The following MARF1 variants were observed in gnomAD, a reference collection of about 807,000 sequenced individuals.
MARF1 encodes the protein meiosis regulator and mRNA stability factor 1.
In MARF1, 24 loss-of-function variants were observed where a neutral mutation model predicts 168.2. The ratio of observed to expected loss-of-function variants is 0.14; its 90% CI spans 0.10 to 0.20. The LOEUF is 0.20. Ranked by LOEUF, MARF1 falls within the 10% of genes least tolerant of loss-of-function variation. The probability of loss-of-function intolerance (pLI) is 1.00; values close to 1 mark genes in which losing one functional copy is unlikely to be tolerated. For synonymous variants in MARF1, 868 were observed against 822.4 expected, an observed-to-expected ratio of 1.06 and a Z score of -0.95; for missense variants, 1,744 against 2,143.6, an observed-to-expected ratio of 0.81 and a Z score of 3.68.
intron 3 of MARF1, 53 bp downstream of exon 3, chr16:15,635,603 G>A (rs1240865754): frequency 6.8e-7 from 1 of 1,466,232 alleles, no homozygotes; most frequent in Non-Finnish European, 9.4e-7. Flanking sequence ...CACTTCAAAA[G>A]TCATTCCTCA....
At chr16:15,635,292 G>C (rs2035509422) in intron 3 of MARF1, 1 of 387,002 alleles carries the variant, frequency 2.6e-6, no homozygotes, top group African/African-American at 2.1e-5. Flanking sequence ...ATTGCAAAAA[G>C]ACAACATGCA....
Position 15,622,037 on chromosome 16 carries a change from A to C in MARF1, c.2461-126T>G, listed in dbSNP as rs2151190565. 19 of 801,778 alleles carry C rather than the reference A, an allele frequency of 2.4e-5. No individual in the cohort carries two copies. The South Asian group carries it at 3.4e-4, about 14-fold the overall frequency. 49.7% of individuals were successfully genotyped at this position (801,778 alleles called of 1,614,324 possible). A position where few individuals can be genotyped will look rare whatever the true frequency, so the allele number is the denominator to read the frequency against. ...CGCTTCCATGAAGGAGTATGTCTGAACTCTGCTCTTCTGCTGACCAGGACG... is the reference window on the plus strand; with the variant it reads ...CGCTTCCATGAAGGAGTATGTCTGACCTCTGCTCTTCTGCTGACCAGGACG... On this transcript the variant is annotated intron_variant, in intron 11 of 26. Transcript: ENST00000396368.
At chr16:15,637,154 T>C (rs1047309122) in intron 2 of MARF1, among the ~76,000 whole-genome samples, 2 of 152,110 alleles carry the variant, frequency 1.3e-5, no homozygotes, top group East Asian at 1.9e-4. Flanking sequence ...GGTTTCCTCA[T>C]CCATAAACTG....
chr16:15,642,454 T>C (rs2151356839), intron 1 of MARF1: 1 of 152,314 alleles, frequency 6.6e-6, no homozygotes, highest in Non-Finnish European at 1.5e-5. Flanking sequence ...GAGAAGAATA[T>C]TTACCGCTCA....
chr16:15,628,656 T>G (rs1476410666), intron 7 of MARF1, among the ~76,000 whole-genome samples: 1 of 152,096 alleles, frequency 6.6e-6, no homozygotes, highest in African/African-American at 2.4e-5. Flanking sequence ...TGATTGGTGA[T>G]CTGCCCACCT....
chr16:15,612,673 G>T lies in MARF1; in HGVS notation c.3358C>A (p.Pro1120Thr). ...TAGGATGGGATGAAATGACTGATGG[G>T]TATGACACAAGATGGCTGGCTTTTC... is the stretch of plus-strand genomic sequence containing the variant. Reference protein sequence around the residue: ...LLKSQPSCVIPISHFIPSYHH... With the variant: ...LLKSQPSCVITISHFIPSYHH... Residue 1120 changes from proline (P) to threonine (T), a missense_variant, in exon 17 of 27, where the codon CCC (proline) becomes ACC (threonine). This residue lies in a region of MARF1 where 543 missense variants were observed against 742.1 expected (regional missense o/e 0.73). Coordinates refer to ENST00000396368, the MANE Select transcript of MARF1 (RefSeq NM_014647.4). The T allele has an allele frequency of 6.2e-7, 1 of 1,614,096 alleles. No homozygotes were observed. Among genetic ancestry groups the T allele is most frequent in the Non-Finnish European group, 8.5e-7 (1 of 1,179,970 alleles).
rs1377370782 is a variant in MARF1, at chr16:15,643,101, G to A, written c.-142C>T. 8 of 159,004 alleles carry A rather than the reference G, an allele frequency of 5.0e-5. No individual in the cohort carries two copies. The highest frequency in any genetic ancestry group is 1.9e-4 in the South Asian group (3 of 16,126). 9.8% of individuals were successfully genotyped at this position (159,004 alleles called of 1,614,324 possible). A position where few individuals can be genotyped will look rare whatever the true frequency, so the allele number is the denominator to read the frequency against. The stretch of plus-strand genomic sequence containing the variant: ...CCCCAGGCCCTTTGTTTTGATTCCC[G>A]ACTCCGCAGCTCCCGCCGCCGCCGC... On this transcript the variant is annotated 5_prime_UTR_variant, in exon 1 of 27. Transcript: ENST00000396368.
At chr16:15,615,586 C>T (rs1487122709) in intron 16 of MARF1, among the ~76,000 whole-genome samples, 1 of 152,156 alleles carries the variant, frequency 6.6e-6, no homozygotes, top group African/African-American at 2.4e-5. Flanking sequence ...GATCGCACCA[C>T]TGCACTCCAG....
At chr16:15,633,002 T>C (rs577129044) in intron 5 of MARF1, among the ~76,000 whole-genome samples, 1 of 152,196 alleles carries the variant, frequency 6.6e-6, no homozygotes, top group East Asian at 1.9e-4. Flanking sequence ...TATATAACCA[T>C]TATACCAGTA....
chr16:15,605,494 G>A (rs1172051078), intron 21 of MARF1, among the ~76,000 whole-genome samples: 2 of 151,964 alleles, frequency 1.3e-5, no homozygotes, highest in Admixed American at 1.3e-4. Context: ...CCTCAGAAGC[G>A]GGTTTAATCA....
chr16:15,629,608 T>C (rs1003545223), intron 7 of MARF1, among the ~76,000 whole-genome samples: 4 of 152,222 alleles, frequency 2.6e-5, no homozygotes, highest in African/African-American at 9.6e-5. Flanking sequence ...GATTGCCCAC[T>C]CTCCTGGATC....
chr16:15,637,292 G>A (rs1046581958), intron 2 of MARF1, among the ~76,000 whole-genome samples: 1 of 152,216 alleles, frequency 6.6e-6, no homozygotes, highest in African/African-American at 2.4e-5. Flanking sequence ...GACTGCAAGA[G>A]ACATTAAGAT....
At position 15,621,802 on chromosome 16, in the gene MARF1, T is replaced by C. The variant is rs1475066991; in HGVS notation, c.2570A>G (p.Lys857Arg). 1.2e-6 allele frequency: 2 copies of C among 1,614,178 alleles called. No individual in the cohort carries two copies. The highest frequency in any genetic ancestry group is 2.2e-5 in the South Asian group (2 of 91,078). Residue 857 changes from lysine (K) to arginine (R), a missense_variant, in exon 12 of 27, where the codon AAA becomes AGA. Lys to Arg is a conservative substitution (Grantham distance 26). This residue lies in a region of MARF1 where 543 missense variants were observed against 742.1 expected (regional missense o/e 0.73). Coordinates refer to ENST00000396368, the MANE Select transcript of MARF1 (RefSeq NM_014647.4). The part of the protein sequence containing the change: ...IGAVNSLHRY[K>R]IGSKKILVSL... Reference sequence around the variant, plus strand: ...GACCAGGATCTTTTTGCTGCCAATTTTGTATCTGTGGAGGCTATTCACTGC... The same window carrying C: ...GACCAGGATCTTTTTGCTGCCAATTCTGTATCTGTGGAGGCTATTCACTGC...
In MARF1 at chr16:15,625,448, G is replaced by A. The variant is rs1338007329; in HGVS notation, c.1877C>T (p.Ala626Val). ...TGACCCTTTTCCAGGCGTGGCTTTG[G>A]CACTGGAAGATTGTTCACTTGCATC... ...IKDASEQSSS[A>V]KATPGKGSQA... The change falls in exon 8 of 27, where the codon GCC becomes GTC. Residue 626 changes from alanine (A) to valine (V), a missense_variant. Around this residue, in one of 7 missense-constraint regions of MARF1, gnomAD observed 270 missense variants for 260.6 expected, o/e 1.04. Transcript: ENST00000396368. The A allele has an allele frequency of 3.1e-6, 5 of 1,613,996 alleles. No homozygotes were observed. Among genetic ancestry groups the A allele is most frequent in the Admixed American group, 1.7e-5 (1 of 60,002 alleles).
chr16:15,639,713 C>G (rs2035827299), intron 1 of MARF1, among the ~76,000 whole-genome samples: 1 of 151,814 alleles, frequency 6.6e-6, no homozygotes, highest in Non-Finnish European at 1.5e-5. Context: ...CAATTCAAAT[C>G]TTAACAAACA....
At chr16:15,613,530 C>G (rs897726432) in intron 16 of MARF1, among the ~76,000 whole-genome samples, 6 of 151,680 alleles carry the variant, frequency 4.0e-5, no homozygotes, top group Non-Finnish European at 8.8e-5. Flanking sequence ...GGCGTGGTGG[C>G]AGGCACCTGT....
chr16:15,602,739 C>T (rs761647271), intron 22 of MARF1: 11 of 426,524 alleles, frequency 2.6e-5, no homozygotes, highest in South Asian at 1.7e-4. Flanking sequence ...AAGGCTGCAG[C>T]GGTCTGAAGA....
At chr16:15,601,651 G>T in intron 23 of MARF1, 1 of 400,782 alleles carries the variant, frequency 2.5e-6, no homozygotes, top group Non-Finnish European at 4.6e-6. Flanking sequence ...CCAGGCTTGG[G>T]AAGTGGGCCC....
chr16:15,634,085 A>G (rs974506598), intron 4 of MARF1, among the ~76,000 whole-genome samples: 2 of 152,196 alleles, frequency 1.3e-5, no homozygotes, highest in Non-Finnish European at 2.9e-5. Context: ...AGTAACTTTA[A>G]GCCCACAATA....
Sources: gnomAD v4.1 joint callset for allele counts (sites outside exome capture counted in the v4.1 genomes callset) on GRCh38, gnomAD v4.1.1 for gene constraint, gnomAD v4.1.1 regional missense constraint, MANE v1.5 for transcripts, NCBI Gene and HGNC (gene_info 2026-07-23, HGNC 2026-07-21) for gene names.